Variants in GNA14 observed in about 807,000 individuals in gnomAD.
The protein encoded by GNA14 is guanine nucleotide-binding protein subunit alpha-14.
A neutral mutation model predicts 42.0 loss-of-function variants in GNA14; 50 were observed. The observed-to-expected ratio is 1.19, with a 90% CI of 0.95 to 1.51. The LOEUF (loss-of-function observed/expected upper bound fraction) is 1.51, where lower values mean the gene tolerates loss of function less well. Among genes scored for constraint, GNA14 ranks in the 40% most tolerant of loss-of-function variants. The pLI is 0.00. For missense variants in GNA14, 473 were observed against 446.2 expected, an observed-to-expected ratio of 1.06 and a Z score of -0.54; for synonymous variants, 173 against 163.1, an observed-to-expected ratio of 1.06 and a Z score of -0.46.
chr9:77,505,268 T>A (rs1270550305), intron 2 of GNA14, among the ~76,000 whole-genome samples: 3 of 152,230 alleles, frequency 2.0e-5, no homozygotes, highest in African/African-American at 7.2e-5. Flanking sequence ...AATGTCTGCA[T>A]TTGTTATCTT....
intron 1 of GNA14, among the ~76,000 whole-genome samples, chr9:77,563,698 T>C (rs1001114647): frequency 6.6e-6 from 1 of 152,110 alleles, no homozygotes; most frequent in South Asian, 2.1e-4. Flanking sequence ...TCCTTTCAGT[T>C]CAATTGAAGT....
At chr9:77,544,341 A>G (rs891752019) in intron 1 of GNA14, among the ~76,000 whole-genome samples, 1 of 152,190 alleles carries the variant, frequency 6.6e-6, no homozygotes, top group Admixed American at 6.5e-5. Context: ...ATCTCTTCAA[A>G]TAAACTCTGT....
At chr9:77,481,937 G>A (rs1336881803) in intron 2 of GNA14, among the ~76,000 whole-genome samples, 1 of 151,860 alleles carries the variant, frequency 6.6e-6, no homozygotes, top group Non-Finnish European at 1.5e-5. Context: ...TTGAGCCTAT[G>A]TATGTCCCTG....
intron 2 of GNA14, among the ~76,000 whole-genome samples, chr9:77,471,688 G>T (rs1026270203): frequency 1.3e-5 from 2 of 152,070 alleles, no homozygotes; most frequent in South Asian, 2.1e-4. Context: ...CAGGAGAAAA[G>T]TTAGTGCTAG....
Position 77,500,116 on chromosome 9 carries a change from G to T in GNA14, c.309+28953C>A, listed in dbSNP as rs112292328. 3.3e-5 allele frequency among the ~76,000 whole-genome samples: 5 copies of T among 151,554 alleles called. No homozygotes were observed. In the East Asian group the frequency reaches 5.9e-4, roughly 18 times the overall value. ...CAGCTCACTGCAACCTCCACCTCCT[G>T]GGTTCAAGCAATTCTCGTGCCTCAG... On this transcript the variant is annotated intron_variant, in intron 2 of 6. Coordinates refer to ENST00000341700, the MANE Select transcript of GNA14 (RefSeq NM_004297.4).
chr9:77,440,588 T>C (rs1318438653), intron 2 of GNA14, among the ~76,000 whole-genome samples: 1 of 152,240 alleles, frequency 6.6e-6, no homozygotes, highest in Non-Finnish European at 1.5e-5. Context: ...TGGCTTACAA[T>C]TTGGTGTTTT....
At chr9:77,597,336 G>A (rs1020388630) in intron 1 of GNA14, among the ~76,000 whole-genome samples, 21 of 151,996 alleles carry the variant, frequency 1.4e-4, no homozygotes, top group Non-Finnish European at 2.6e-4. Flanking sequence ...AACCCTTTTC[G>A]TCTCATAGCC....
At chr9:77,608,665 A>G (rs897437173) in intron 1 of GNA14, among the ~76,000 whole-genome samples, 2 of 151,168 alleles carry the variant, frequency 1.3e-5, no homozygotes, top group African/African-American at 4.9e-5. Flanking sequence ...TTCTTGAAAG[A>G]TAAAGCATGT....
intron 2 of GNA14, among the ~76,000 whole-genome samples, chr9:77,513,328 A>G (rs1837199208): frequency 6.6e-6 from 1 of 152,248 alleles, no homozygotes. Context: ...TCCCACTCTG[A>G]CATCTGCTAC....
chr9:77,480,068 C>T (rs1210017145), intron 2 of GNA14, among the ~76,000 whole-genome samples: 1 of 152,154 alleles, frequency 6.6e-6, no homozygotes, highest in Non-Finnish European at 1.5e-5. Flanking sequence ...ATTGCCCTGG[C>T]CAGAACTTCC....
chr9:77,634,629 T>A (rs545731950), intron 1 of GNA14, among the ~76,000 whole-genome samples: 1 of 151,996 alleles, frequency 6.6e-6, no homozygotes, highest in Non-Finnish European at 1.5e-5. Flanking sequence ...ATACCACTTA[T>A]CCAAAAAAAA....
At chr9:77,471,623 T>C (rs1247841657) in intron 2 of GNA14, among the ~76,000 whole-genome samples, 1 of 152,108 alleles carries the variant, frequency 6.6e-6, no homozygotes, top group Non-Finnish European at 1.5e-5. Flanking sequence ...CTACATGTGT[T>C]TGGGGTGCCT....
intron 2 of GNA14, among the ~76,000 whole-genome samples, chr9:77,500,574 C>G (rs554340109): frequency 6.6e-6 from 1 of 152,144 alleles, no homozygotes; most frequent in Non-Finnish European, 1.5e-5. Flanking sequence ...CTTCATGTTG[C>G]TCTACAGCCA....
At chr9:77,587,676 T>C (rs988409366) in intron 1 of GNA14, among the ~76,000 whole-genome samples, 6 of 152,192 alleles carry the variant, frequency 3.9e-5, no homozygotes, top group Non-Finnish European at 1.5e-5. Flanking sequence ...GGAGTTTCTT[T>C]CTGGGCTGAT....
intron 3 of GNA14, among the ~76,000 whole-genome samples, chr9:77,433,544 G>A (rs2131691518): frequency 6.6e-6 from 1 of 151,858 alleles, no homozygotes; most frequent in East Asian, 1.9e-4. Flanking sequence ...TGTAATTTTT[G>A]CAGAGACGAG....
chr9:77,626,480 A>G (rs1210821436), intron 1 of GNA14, among the ~76,000 whole-genome samples: 19 of 152,188 alleles, frequency 1.2e-4, no homozygotes, highest in Non-Finnish European at 2.6e-4. Context: ...TGACCGCATC[A>G]TTGGAAGTAA....
intron 2 of GNA14, among the ~76,000 whole-genome samples, chr9:77,455,307 G>T (rs958559432): frequency 6.6e-6 from 1 of 152,188 alleles, no homozygotes; most frequent in Admixed American, 6.5e-5. Context: ...GACTCTCCTT[G>T]AACTCTAGAT....
intron 2 of GNA14, among the ~76,000 whole-genome samples, chr9:77,443,305 A>G (rs375398787): frequency 2.6e-5 from 4 of 152,340 alleles, no homozygotes; most frequent in South Asian, 4.1e-4. Context: ...AGAATATTTA[A>G]TTACTAAGAC....
chr9:77,465,272 A>G (rs1379596766), intron 2 of GNA14, among the ~76,000 whole-genome samples: 2 of 152,240 alleles, frequency 1.3e-5, no homozygotes. Flanking sequence ...ACCACACAAT[A>G]TGGAATCCAT....
Sources: gnomAD v4.1 joint callset for allele counts (sites outside exome capture counted in the v4.1 genomes callset) on GRCh38, gnomAD v4.1.1 for gene constraint, MANE v1.5 for transcripts, NCBI Gene and HGNC (gene_info 2026-07-23, HGNC 2026-07-21) for gene names.